The following VPS8 variants were observed in gnomAD, a reference collection of about 807,000 sequenced individuals.
The protein encoded by VPS8 is vacuolar protein sorting-associated protein 8 homolog.
Under a neutral mutation model 216.4 loss-of-function variants are expected in VPS8, and 129 were observed. The ratio of observed to expected loss-of-function variants is 0.60; its 90% CI spans 0.52 to 0.69. The LOEUF (loss-of-function observed/expected upper bound fraction) is 0.69, where lower values mean the gene tolerates loss of function less well. VPS8 is among the 30% of genes least tolerant of loss of function. VPS8 has a pLI of 0.00. For missense variants in VPS8, 1,531 were observed against 1,683.5 expected, an observed-to-expected ratio of 0.91 and a Z score of 1.59; for synonymous variants, 571 against 565.4, an observed-to-expected ratio of 1.01 and a Z score of -0.14.
chr3:184,989,540 C>T (rs1030960508), intron 42 of VPS8, among the ~76,000 whole-genome samples: 1 of 151,902 alleles, frequency 6.6e-6, no homozygotes, highest in African/African-American at 2.4e-5. Flanking sequence ...GCTGGGATTA[C>T]AGGCATGAAC....
intron 35 of VPS8, among the ~76,000 whole-genome samples, chr3:184,939,571 T>TTC (rs1742280422): frequency 7.1e-6 from 1 of 141,218 alleles, no homozygotes; most frequent in African/African-American, 2.6e-5. Context: ...TTTTTTTTTT[T>TTC]CCACATAAGG....
chr3:184,897,468 G>A (rs1049811403), intron 23 of VPS8, among the ~76,000 whole-genome samples: 2 of 152,148 alleles, frequency 1.3e-5, no homozygotes, highest in Admixed American at 1.3e-4. Flanking sequence ...AGGAGTTCTG[G>A]TTGGCCATTT....
At chr3:184,842,206 A>AAAAAAAAAAAAAAAT (rs1560342848) in intron 7 of VPS8, among the ~76,000 whole-genome samples, 1 of 150,112 alleles carries the variant, frequency 6.7e-6, no homozygotes, top group African/African-American at 2.4e-5. Flanking sequence ...AAAAAAAAAA[A>AAAAAAAAAAAAAAAT]AAAGAATATG....
intron 45 of VPS8, 49 bp from the exon 46 acceptor site, chr3:185,024,287 A>T (rs1481226080): frequency 6.6e-7 from 1 of 1,522,230 alleles, no homozygotes; most frequent in Non-Finnish European, 8.9e-7. Context: ...GTCAGACAAA[A>T]CTAGACTATA....
intron 2 of VPS8, among the ~76,000 whole-genome samples, chr3:184,825,829 A>T (rs1718640402): frequency 6.7e-6 from 1 of 149,922 alleles, no homozygotes; most frequent in Non-Finnish European, 1.5e-5. Flanking sequence ...TGAACCCGGG[A>T]GGTGGAGGTT....
At chr3:184,977,261 T>G (rs906656571) in intron 40 of VPS8, among the ~76,000 whole-genome samples, 2 of 152,248 alleles carry the variant, frequency 1.3e-5, no homozygotes, top group Non-Finnish European at 2.9e-5. Context: ...TGTCTTCTTT[T>G]AAGAAGTGTC....
At chr3:185,022,685 C>T (rs1756829878) in intron 45 of VPS8, among the ~76,000 whole-genome samples, 1 of 152,236 alleles carries the variant, frequency 6.6e-6, no homozygotes, top group East Asian at 1.9e-4. Flanking sequence ...AATTTATAGT[C>T]TCCTTTTCTT....
At chr3:184,989,406 T>C (rs890021763) in intron 42 of VPS8, among the ~76,000 whole-genome samples, 1 of 152,160 alleles carries the variant, frequency 6.6e-6, no homozygotes, top group African/African-American at 2.4e-5. Context: ...ATGTGGTGGA[T>C]TACAGTAATT....
intron 23 of VPS8, among the ~76,000 whole-genome samples, chr3:184,897,611 G>C (rs1323281055): frequency 2.0e-5 from 3 of 152,098 alleles, no homozygotes; most frequent in African/African-American, 4.8e-5. Context: ...GCATGATCAT[G>C]GTACTGGCTG....
intron 36 of VPS8, among the ~76,000 whole-genome samples, chr3:184,954,655 G>C (rs1367769469): frequency 6.6e-6 from 1 of 152,148 alleles, no homozygotes; most frequent in South Asian, 2.1e-4. Flanking sequence ...AGGACTTTCC[G>C]ATAGGATTTA....
rs183793189 is a variant in VPS8, at chr3:184,889,347, A to G, written c.1781+3191A>G. ...AAATAACAGGAACAGCAGTCATAGT[A>G]TATACTCCTCACCTCCAAGAGGAAG... On this transcript the variant is annotated intron_variant, in intron 22 of 47. Transcript: ENST00000625842. Among the ~76,000 whole-genome samples the G allele has an allele frequency of 1.6e-3, 240 of 152,256 alleles. 1 individual carries two copies. Among genetic ancestry groups the G allele is most frequent in the African/African-American group, 5.4e-3 (225 of 41,540 alleles).
At chr3:184,994,132 A>G (rs1219193855) in intron 43 of VPS8, 69 bp downstream of exon 43, 1 of 1,180,590 alleles carries the variant, frequency 8.5e-7, no homozygotes, top group Non-Finnish European at 1.2e-6. Flanking sequence ...TTAATTTTGT[A>G]CCTATACTTA....
chr3:184,824,935 T>A, intron 2 of VPS8, 150 bp downstream of exon 2: 1 of 709,396 alleles, frequency 1.4e-6, no homozygotes, highest in Non-Finnish European at 2.3e-6. Context: ...ATACAGGGTC[T>A]CACTCTGTTG....
intron 7 of VPS8, among the ~76,000 whole-genome samples, chr3:184,842,359 T>G (rs970615274): frequency 6.6e-6 from 1 of 151,498 alleles, no homozygotes; most frequent in East Asian, 1.9e-4. Context: ...TTCCTGGTTT[T>G]TTTTTTTTTT....
intron 42 of VPS8, among the ~76,000 whole-genome samples, chr3:184,986,403 T>C (rs1751078430): frequency 6.6e-6 from 1 of 152,180 alleles, no homozygotes; most frequent in African/African-American, 2.4e-5. Context: ...GGAGTTTGGA[T>C]TTTATTCTAA....
chr3:184,829,911 GC>G (rs1719627844), intron 3 of VPS8, among the ~76,000 whole-genome samples: 1 of 151,878 alleles, frequency 6.6e-6, no homozygotes, highest in Admixed American at 6.6e-5. Context: ...GCTAATACAA[GC>G]CCTTTATTTG....
At chr3:184,918,572 T>A (rs1279100006) in intron 28 of VPS8, among the ~76,000 whole-genome samples, 2 of 152,228 alleles carry the variant, frequency 1.3e-5, no homozygotes, top group Non-Finnish European at 2.9e-5. Context: ...TATCACCACT[T>A]AATTATGTTC....
At chr3:184,913,663 T>A in intron 26 of VPS8, 102 bp downstream of exon 26, 1 of 967,528 alleles carries the variant, frequency 1.0e-6, no homozygotes, top group Non-Finnish European at 1.5e-6. Context: ...ACTTTTAATT[T>A]TGCACAATTC....
intron 35 of VPS8, among the ~76,000 whole-genome samples, chr3:184,939,638 G>A (rs1742297654): frequency 6.6e-6 from 1 of 151,560 alleles, no homozygotes; most frequent in Admixed American, 6.6e-5. Flanking sequence ...GTGAGTAAAT[G>A]GCAAAAACAG....
Sources: gnomAD v4.1 joint callset for allele counts (sites outside exome capture counted in the v4.1 genomes callset) on GRCh38, gnomAD v4.1.1 for gene constraint, MANE v1.5 for transcripts, NCBI Gene and HGNC (gene_info 2026-07-23, HGNC 2026-07-21) for gene names.